The following LRP1B variants were observed in gnomAD, a reference collection of about 807,000 sequenced individuals.
The protein encoded by LRP1B is LDL receptor related protein 1B.
LRP1B carries 217 observed loss-of-function variants against 556.6 expected under a neutral mutation model. The ratio of observed to expected loss-of-function variants is 0.39; its 90% CI spans 0.35 to 0.44. LRP1B has a LOEUF of 0.44. Ranked by LOEUF, LRP1B falls within the 20% of genes least tolerant of loss-of-function variation. LRP1B has a pLI of 1.00. For synonymous variants in LRP1B, 2,047 were observed against 1,865.8 expected (o/e 1.10, Z -2.50); for missense variants, 5,053 against 5,620.8 (o/e 0.90, Z 3.23).
chr2:142,050,675 A>C (rs1316464055), intron 1 of LRP1B, among the ~76,000 whole-genome samples: 1 of 152,186 alleles, frequency 6.6e-6, no homozygotes, highest in Non-Finnish European at 1.5e-5. Flanking sequence ...CAACTGGCAG[A>C]AAATCTATTG....
chr2:140,523,694 T>C (rs1001276845), intron 49 of LRP1B, among the ~76,000 whole-genome samples: 3 of 151,826 alleles, frequency 2.0e-5, no homozygotes, highest in Non-Finnish European at 4.4e-5. Flanking sequence ...AAAATTAATG[T>C]ATAAAAATCA....
chr2:140,814,964 A>C (rs774421900), intron 31 of LRP1B, among the ~76,000 whole-genome samples: 3 of 152,164 alleles, frequency 2.0e-5, no homozygotes, highest in Non-Finnish European at 4.4e-5. Flanking sequence ...TGGCATGCTC[A>C]GCAGAATCAG....
intron 32 of LRP1B, among the ~76,000 whole-genome samples, chr2:140,805,590 C>A (rs1390060463): frequency 6.6e-6 from 1 of 152,140 alleles, no homozygotes; most frequent in African/African-American, 2.4e-5. Context: ...AGCATAACTT[C>A]ACAAATGAAC....
intron 32 of LRP1B, among the ~76,000 whole-genome samples, chr2:140,798,286 T>C (rs1690386866): frequency 6.6e-6 from 1 of 152,104 alleles, no homozygotes; most frequent in African/African-American, 2.4e-5. Context: ...AAATAAGTTA[T>C]CAGTATTATA....
intron 71 of LRP1B, among the ~76,000 whole-genome samples, chr2:140,368,876 A>T (rs1558834214): frequency 1.3e-5 from 2 of 151,888 alleles, no homozygotes; most frequent in East Asian, 3.9e-4. Flanking sequence ...CTTAAGGTAC[A>T]TTCATATGGG....
At chr2:140,749,716 G>A (rs2104891154) in intron 35 of LRP1B, among the ~76,000 whole-genome samples, 1 of 152,174 alleles carries the variant, frequency 6.6e-6, no homozygotes. Context: ...CCTGCCTGAG[G>A]CTGTTTACAG....
chr2:140,630,162 A>C (rs1262060428), intron 41 of LRP1B, among the ~76,000 whole-genome samples: 2 of 152,148 alleles, frequency 1.3e-5, no homozygotes, highest in Admixed American at 6.5e-5. Context: ...GCCCTACCCC[A>C]GACCTACTTA....
intron 1 of LRP1B, among the ~76,000 whole-genome samples, chr2:141,976,380 G>A (rs1701887743): frequency 6.6e-6 from 1 of 152,072 alleles, no homozygotes; most frequent in Non-Finnish European, 1.5e-5. Flanking sequence ...TAAATGGAGA[G>A]TTTGTAAGAA....
chr2:141,047,072 A>ATAATAG (rs1229016525), intron 11 of LRP1B, among the ~76,000 whole-genome samples: 1 of 151,212 alleles, frequency 6.6e-6, no homozygotes, highest in Non-Finnish European at 1.5e-5. Context: ...AATAATAATA[A>ATAATAG]TAATAATAAT....
intron 66 of LRP1B, among the ~76,000 whole-genome samples, chr2:140,438,859 G>T (rs1235033879): frequency 6.6e-6 from 1 of 152,134 alleles, no homozygotes; most frequent in East Asian, 1.9e-4. Context: ...CGACAGAGAG[G>T]AGTGATATGG....
chr2:141,716,324 G>T (rs1464919556), intron 2 of LRP1B, among the ~76,000 whole-genome samples: 2 of 152,162 alleles, frequency 1.3e-5, no homozygotes, highest in African/African-American at 4.8e-5. Flanking sequence ...TTTGGAGAAT[G>T]GGTCTTTTTA....
chr2:140,839,264 TC>T (rs1247921278), intron 31 of LRP1B, among the ~76,000 whole-genome samples: 7 of 152,326 alleles, frequency 4.6e-5, no homozygotes, highest in African/African-American at 1.4e-4. Context: ...AAATTAATCT[TC>T]CTATTCAGAT....
chr2:141,035,857 G>T (rs1698518673), intron 11 of LRP1B, among the ~76,000 whole-genome samples: 1 of 152,082 alleles, frequency 6.6e-6, no homozygotes, highest in Non-Finnish European at 1.5e-5. Flanking sequence ...CATCACAAGG[G>T]ATTCACATAT....
intron 43 of LRP1B, among the ~76,000 whole-genome samples, chr2:140,575,125 A>C (rs998186831): frequency 6.6e-6 from 1 of 152,198 alleles, no homozygotes; most frequent in Non-Finnish European, 1.5e-5. Flanking sequence ...TGATCCTGCG[A>C]TGAACTCAAA....
At chr2:141,819,385 G>T (rs1696680274) in intron 1 of LRP1B, among the ~76,000 whole-genome samples, 1 of 152,160 alleles carries the variant, frequency 6.6e-6, no homozygotes, top group South Asian at 2.1e-4. Flanking sequence ...ACTGTGTGAT[G>T]AGCTTCTAGA....
At position 140,828,668 on chromosome 2, in the gene LRP1B, T is replaced by C. The variant is rs1234880912; in HGVS notation, c.5209+11323A>G. On this transcript the variant is annotated intron_variant, in intron 31 of 90. Transcript: ENST00000389484. ...AGCCGGGCGTGGTAGCGGGCGCCTG[T>C]AGTCCCAGCTACTCAGGAGGCTGAG... is the stretch of plus-strand genomic sequence containing the variant. Among the ~76,000 whole-genome samples, 4 of 61,228 alleles carry C rather than the reference T, an allele frequency of 6.5e-5. 2 individuals are homozygous for C. The highest frequency in any genetic ancestry group is 3.1e-4 in the Admixed American group (2 of 6,414). The allele number at this position is 61,228 out of a possible 152,430, so 40.2% of individuals were successfully genotyped here.
At chr2:140,745,113 C>A (rs988237277) in intron 35 of LRP1B, among the ~76,000 whole-genome samples, 3 of 152,252 alleles carry the variant, frequency 2.0e-5, no homozygotes, top group Non-Finnish European at 4.4e-5. Context: ...AGGTTGCTCA[C>A]TTTTACTGAG....
chr2:141,178,219 A>G (rs192300688), intron 7 of LRP1B, among the ~76,000 whole-genome samples: 2 of 152,232 alleles, frequency 1.3e-5, no homozygotes, highest in African/African-American at 4.8e-5. Context: ...GTGGAGCACA[A>G]CAGACTAGAA....
chr2:142,030,650 G>A (rs1482651746), intron 1 of LRP1B, among the ~76,000 whole-genome samples: 1 of 151,870 alleles, frequency 6.6e-6, no homozygotes, highest in Non-Finnish European at 1.5e-5. Context: ...AGCTAGTAAT[G>A]GCAGGAGATA....
Sources: allele counts gnomAD v4.1 joint callset (sites outside exome capture counted in the v4.1 genomes callset), GRCh38; gene constraint gnomAD v4.1.1; transcripts MANE v1.5; gene names NCBI Gene and HGNC (gene_info 2026-07-23, HGNC 2026-07-21).